The following LRRTM4 variants were observed in gnomAD, a reference collection of about 807,000 sequenced individuals.
LRRTM4 encodes leucine-rich repeat transmembrane neuronal protein 4.
A neutral mutation model predicts 47.6 loss-of-function variants in LRRTM4; 25 were observed. The ratio of observed to expected loss-of-function variants is 0.53; its 90% CI spans 0.38 to 0.73. The LOEUF (loss-of-function observed/expected upper bound fraction) is 0.73. Among genes scored for constraint, LRRTM4 ranks in the 30% least tolerant of loss-of-function variants. The pLI, the probability that LRRTM4 is intolerant of heterozygous loss-of-function variation, is 0.00. For missense variants in LRRTM4, 638 were observed against 713.4 expected (o/e 0.89, Z 1.20); for synonymous variants, 311 against 269.5 (o/e 1.15, Z -1.51).
chr2:77,444,639 G>A (rs1201065294), intron 3 of LRRTM4, among the ~76,000 whole-genome samples: 1 of 151,808 alleles, frequency 6.6e-6, no homozygotes, highest in Non-Finnish European at 1.5e-5. Flanking sequence ...CACCAAGAAA[G>A]TAAAATTTAA....
intron 3 of LRRTM4, among the ~76,000 whole-genome samples, chr2:77,227,948 T>C (rs1674858954): frequency 6.6e-6 from 1 of 152,102 alleles, no homozygotes; most frequent in Non-Finnish European, 1.5e-5. Flanking sequence ...TTCTTACTGT[T>C]ATTATTTAAA....
intron 3 of LRRTM4, among the ~76,000 whole-genome samples, chr2:77,265,659 T>C (rs142532082): frequency 6.6e-6 from 1 of 152,238 alleles, no homozygotes; most frequent in Non-Finnish European, 1.5e-5. Context: ...GCATTAGTAA[T>C]ATGTACAAAG....
chr2:77,207,258 T>C (rs1452223907), intron 3 of LRRTM4, among the ~76,000 whole-genome samples: 1 of 146,556 alleles, frequency 6.8e-6, no homozygotes, highest in African/African-American at 2.5e-5. Flanking sequence ...TATACACATA[T>C]ATGAAGTACA....
At chr2:77,520,573 A>T (rs562902971) in intron 2 of LRRTM4, among the ~76,000 whole-genome samples, 2 of 152,140 alleles carry the variant, frequency 1.3e-5, no homozygotes, top group African/African-American at 4.8e-5. Context: ...CTAAATACTC[A>T]TAACAGAGAA....
At chr2:77,324,687 ATAC>A (rs1005304262) in intron 3 of LRRTM4, among the ~76,000 whole-genome samples, 4 of 152,180 alleles carry the variant, frequency 2.6e-5, no homozygotes, top group African/African-American at 4.8e-5. Flanking sequence ...AAACAAGATT[ATAC>A]TACATTTTGT....
chr2:77,182,857 G>T (rs1224879428), intron 3 of LRRTM4, among the ~76,000 whole-genome samples: 1 of 152,104 alleles, frequency 6.6e-6, no homozygotes, highest in African/African-American at 2.4e-5. Context: ...TTAATAAATG[G>T]TGCTGGGAAA....
At chr2:77,411,395 TTTC>T (rs1202535723) in intron 3 of LRRTM4, among the ~76,000 whole-genome samples, 2 of 151,642 alleles carry the variant, frequency 1.3e-5, no homozygotes, top group Non-Finnish European at 1.5e-5. Flanking sequence ...TCTCTCTTTC[TTTC>T]TTCTTTATTT....
intron 3 of LRRTM4, among the ~76,000 whole-genome samples, chr2:76,760,898 AG>A (rs1327467630): frequency 6.6e-6 from 1 of 152,220 alleles, no homozygotes; most frequent in African/African-American, 2.4e-5. Context: ...AGATTTCTTC[AG>A]CCATCCGAAA....
chr2:77,299,846 GA>G (rs1342652491), intron 3 of LRRTM4, among the ~76,000 whole-genome samples: 3 of 135,520 alleles, frequency 2.2e-5, no homozygotes, highest in Admixed American at 7.2e-5. Flanking sequence ...GTAAGGTAAT[GA>G]TTTTTTTTTT....
At chr2:77,062,575 A>T (rs1238100132) in intron 3 of LRRTM4, among the ~76,000 whole-genome samples, 1 of 152,206 alleles carries the variant, frequency 6.6e-6, no homozygotes, top group African/African-American at 2.4e-5. Flanking sequence ...ACTTCTGCCT[A>T]CTCAATATGC....
At chr2:77,244,960 G>T (rs567415587) in intron 3 of LRRTM4, among the ~76,000 whole-genome samples, 1 of 152,214 alleles carries the variant, frequency 6.6e-6, no homozygotes, top group South Asian at 2.1e-4. Context: ...TCAACACCTT[G>T]ATTAAAGTCT....
intron 3 of LRRTM4, among the ~76,000 whole-genome samples, chr2:77,060,115 G>A (rs1679739036): frequency 6.6e-6 from 1 of 152,288 alleles, no homozygotes; most frequent in African/African-American, 2.4e-5. Flanking sequence ...TCATGGTAGA[G>A]AACAACTGGA....
At chr2:77,267,122 A>G (rs1460803609) in intron 3 of LRRTM4, among the ~76,000 whole-genome samples, 2 of 152,170 alleles carry the variant, frequency 1.3e-5, no homozygotes, top group Non-Finnish European at 2.9e-5. Flanking sequence ...TGCCTCATTT[A>G]TTATCTGCAG....
intron 3 of LRRTM4, among the ~76,000 whole-genome samples, chr2:77,294,884 A>G (rs1174852272): frequency 6.6e-6 from 1 of 152,166 alleles, no homozygotes; most frequent in African/African-American, 2.4e-5. Context: ...ATTACCATCT[A>G]TATTTTAGAA....
At chr2:77,173,456 T>G (rs1673109532) in intron 3 of LRRTM4, among the ~76,000 whole-genome samples, 1 of 152,158 alleles carries the variant, frequency 6.6e-6, no homozygotes, top group African/African-American at 2.4e-5. Context: ...TAGCCTCTGC[T>G]TAGGGATCTC....
At chr2:76,778,427 A>T (rs1200668567) in intron 3 of LRRTM4, among the ~76,000 whole-genome samples, 28 of 142,910 alleles carry the variant, frequency 2.0e-4, no homozygotes, top group Admixed American at 4.8e-4. Flanking sequence ...GATTATTGCC[A>T]CAATTTCAGC....
chr2:77,149,118 G>C (rs923138194), intron 3 of LRRTM4, among the ~76,000 whole-genome samples: 1 of 152,036 alleles, frequency 6.6e-6, no homozygotes, highest in African/African-American at 2.4e-5. Flanking sequence ...AGACGCACAT[G>C]GCCATTGAGC....
At chr2:77,188,627 C>A (rs1673579444) in intron 3 of LRRTM4, among the ~76,000 whole-genome samples, 1 of 152,162 alleles carries the variant, frequency 6.6e-6, no homozygotes. Flanking sequence ...CACACTGCAA[C>A]CTCTTCCGCC....
At chr2:77,349,027 G>A (rs1671667343) in intron 3 of LRRTM4, among the ~76,000 whole-genome samples, 1 of 151,854 alleles carries the variant, frequency 6.6e-6, no homozygotes, top group Non-Finnish European at 1.5e-5. Flanking sequence ...AGCATTTCCA[G>A]TAATATCAGG....
Sources: allele counts gnomAD v4.1 joint callset (sites outside exome capture counted in the v4.1 genomes callset), GRCh38; gene constraint gnomAD v4.1.1; transcripts MANE v1.5; gene names NCBI Gene and HGNC (gene_info 2026-07-23, HGNC 2026-07-21).